PIGN: variants seen among roughly 807,000 people sequenced by gnomAD.
The protein encoded by PIGN is GPI ethanolamine phosphate transferase 1.
A neutral mutation model predicts 125.4 loss-of-function variants in PIGN; 117 were observed. That is an observed-to-expected ratio of 0.93 (90% confidence interval 0.80 to 1.09). PIGN has a LOEUF of 1.09. PIGN is among the 50% of genes least tolerant of loss of function. PIGN has a pLI of 0.00. For synonymous variants in PIGN, 392 were observed against 377.8 expected, an observed-to-expected ratio of 1.04 and a Z score of -0.44; for missense variants, 1,075 against 1,094.9, an observed-to-expected ratio of 0.98 and a Z score of 0.26.
chr18:62,123,925 T>C (rs1157822035), intron 14 of PIGN, among the ~76,000 whole-genome samples: 1 of 115,228 alleles, frequency 8.7e-6, no homozygotes, highest in Non-Finnish European at 1.8e-5. Flanking sequence ...ACTATAAAAA[T>C]GAAAAAAAAA....
intron 23 of PIGN, 132 bp from the exon 24 acceptor site, chr18:62,090,710 T>G: frequency 3.6e-6 from 2 of 556,154 alleles, no homozygotes; most frequent in Non-Finnish European, 6.3e-6. Context: ...TTACAAAACT[T>G]AAGAAGAAAG....
intron 1 of PIGN, among the ~76,000 whole-genome samples, chr18:62,172,022 T>C (rs1318831929): frequency 6.6e-6 from 1 of 152,188 alleles, no homozygotes; most frequent in Non-Finnish European, 1.5e-5. Context: ...GTAAAATTTG[T>C]ATTATTTCTT....
At chr18:62,079,215 T>C (rs1446254656) in intron 28 of PIGN, among the ~76,000 whole-genome samples, 1 of 152,248 alleles carries the variant, frequency 6.6e-6, no homozygotes, top group Non-Finnish European at 1.5e-5. Context: ...CATAAATTGC[T>C]TCTCCTTAGA....
Position 62,157,633 on chromosome 18 carries a change from T to C in PIGN, c.343+54A>G, listed in dbSNP as rs538456880. 15 of 1,502,046 alleles carry C rather than the reference T, an allele frequency of 1.0e-5. 1 individual carries two copies. In the South Asian group the frequency reaches 1.7e-4, roughly 17 times the overall value. The allele number at this position is 1,502,046 out of a possible 1,614,324, so 93.0% of individuals were successfully genotyped here. A position where few individuals can be genotyped will look rare whatever the true frequency, so the allele number is the denominator to read the frequency against. On this transcript the variant is annotated intron_variant, in intron 5 of 30. Transcript: ENST00000640252. ...GTGACATGATTAAGTGGTAAAGGAC[T>C]AATATTTACTTGACAAATTTTTCAT...
intron 30 of PIGN, chr18:62,051,690 T>C (rs1206551052): frequency 2.6e-5 from 4 of 152,150 alleles, no homozygotes; most frequent in African/African-American, 9.7e-5. Flanking sequence ...GTTTTTTGTG[T>C]CTCTATTTCC....
chr18:62,182,949 C>CG (rs1304721477), intron 1 of PIGN, among the ~76,000 whole-genome samples: 1 of 152,012 alleles, frequency 6.6e-6, no homozygotes, highest in Non-Finnish European at 1.5e-5. Context: ...AGTTCCACAG[C>CG]GGGGGGCAAT....
chr18:62,086,595 GAC>G (rs1249703326), intron 25 of PIGN, among the ~76,000 whole-genome samples: 1 of 149,318 alleles, frequency 6.7e-6, no homozygotes. Flanking sequence ...CCAGCCTAGT[GAC>G]AGAGTAAGAC....
intron 4 of PIGN, among the ~76,000 whole-genome samples, chr18:62,158,182 A>C (rs2147538794): frequency 6.6e-6 from 1 of 152,350 alleles, no homozygotes; most frequent in East Asian, 1.9e-4. Flanking sequence ...TGGTTATTTA[A>C]GAGATATAGG....
intron 30 of PIGN, among the ~76,000 whole-genome samples, chr18:62,060,320 A>G (rs2032041319): frequency 6.6e-6 from 1 of 152,170 alleles, no homozygotes; most frequent in Non-Finnish European, 1.5e-5. Flanking sequence ...GGTCGAGGGG[A>G]AGAGCGTATG....
At position 62,041,500 on chromosome 18, in the gene PIGN, T is replaced by G. The variant is rs889329052; in HGVS notation, c.*4356A>C. 17 of 152,092 alleles carry G rather than the reference T, an allele frequency of 1.1e-4. No homozygotes were observed. The highest frequency in any genetic ancestry group is 4.1e-4 in the African/African-American group (17 of 41,412). 9.4% of individuals were successfully genotyped at this position (152,092 alleles called of 1,614,324 possible). ...TAGTGCAAAATTATATGGAGACATT[T>G]CTTTTTGAGGCAGAGTCTCACTTTG... On this transcript the variant is annotated 3_prime_UTR_variant, in exon 31 of 31. Coordinates refer to ENST00000640252, the MANE Select transcript of PIGN (RefSeq NM_176787.5).
intron 1 of PIGN, among the ~76,000 whole-genome samples, chr18:62,166,950 T>C (rs761011828): frequency 1.3e-5 from 2 of 152,218 alleles, no homozygotes; most frequent in Non-Finnish European, 2.9e-5. Context: ...ACCTAATGCA[T>C]GCAGGTTTTA....
At position 62,044,330 on chromosome 18, in the gene PIGN, C is replaced by G. The variant is rs1047660434; in HGVS notation, c.*1526G>C. 2 of 152,126 alleles carry G rather than the reference C, an allele frequency of 1.3e-5. No homozygotes were observed. The highest frequency in any genetic ancestry group is 4.8e-5 in the African/African-American group (2 of 41,434). 9.4% of individuals were successfully genotyped at this position (152,126 alleles called of 1,614,324 possible). Reference sequence around the variant, plus strand: ...AAAAGGTCAGTGATAAGTGTTTATACAGTCAGTTTTTTCTGATGTGTGAAA... The same window carrying G: ...AAAAGGTCAGTGATAAGTGTTTATAGAGTCAGTTTTTTCTGATGTGTGAAA... On this transcript the variant is annotated 3_prime_UTR_variant, in exon 31 of 31. Coordinates refer to ENST00000640252, the MANE Select transcript of PIGN (RefSeq NM_176787.5).
chr18:62,113,818 A>G (rs990087182), intron 15 of PIGN, among the ~76,000 whole-genome samples: 3 of 152,174 alleles, frequency 2.0e-5, no homozygotes, highest in African/African-American at 7.2e-5. Context: ...TTAGAAATGA[A>G]AACAGAATTC....
At chr18:62,026,022 C>T (rs950958642) in intron 23 of PIGN, among the ~76,000 whole-genome samples, 8 of 152,152 alleles carry the variant, frequency 5.3e-5, no homozygotes, top group Admixed American at 3.3e-4. Context: ...TGCACCTTGT[C>T]GGAAGTTATT....
In PIGN at chr18:62,161,292, T is replaced by A; in HGVS notation, c.62A>T (p.Asp21Val). 1 of 1,613,742 alleles carries A rather than the reference T, an allele frequency of 6.2e-7. No homozygotes were observed. ...AACCAAAGGAGATGTAAAATAAATG[T>A]CAAAGATGGAGGCGAAGAACACAAA... ...IHFVFFASIFDIYFTSPLVHG... is the reference protein window; with the variant it reads ...IHFVFFASIFVIYFTSPLVHG... Residue 21 changes from aspartate (D) to valine (V), a missense_variant, in exon 4 of 31, where the codon GAC becomes GTC. This residue lies in a region of PIGN where 152 missense variants were observed against 162.9 expected (regional missense o/e 0.93). Transcript: ENST00000640252.
rs1396486707 is a variant in PIGN at position 62,114,596 on chromosome 18, T to C, written c.1216A>G (p.Arg406Gly). The C allele has an allele frequency of 2.6e-6, 4 of 1,525,722 alleles. No individual in the cohort carries two copies. The South Asian group carries it at 4.8e-5, about 18-fold the overall frequency. The allele number at this position is 1,525,722 out of a possible 1,614,324, so 94.5% of individuals were successfully genotyped here. A position where few individuals can be genotyped will look rare whatever the true frequency, so the allele number is the denominator to read the frequency against. Residue 406 changes from arginine to glycine, a missense_variant, in exon 15 of 31, where the codon AGA (arginine) becomes GGA (glycine). By Grantham distance (125) the Arg-to-Gly change is moderately radical. Coordinates refer to ENST00000640252, the MANE Select transcript of PIGN (RefSeq NM_176787.5). ...SKQFNILRKA[R>G]SYIKHRKFDE... ...AACTTTCTGTGTTTTATATAAGATC[T>C]TGCTTTTCTTAAAATGTTGAACTGT...
chr18:62,181,044 G>T (rs562102370), intron 1 of PIGN, among the ~76,000 whole-genome samples: 8 of 152,182 alleles, frequency 5.3e-5, no homozygotes, highest in African/African-American at 1.9e-4. Context: ...GTGTGAGGTA[G>T]ACATCAGCTT....
chr18:62,062,641 T>C (rs564166620), intron 30 of PIGN, among the ~76,000 whole-genome samples: 3 of 152,256 alleles, frequency 2.0e-5, no homozygotes, highest in East Asian at 1.9e-4. Context: ...GCAGCTCCCA[T>C]TATAAAAAAT....
intron 14 of PIGN, among the ~76,000 whole-genome samples, chr18:62,116,086 G>A (rs2035076988): frequency 1.3e-5 from 2 of 152,192 alleles, no homozygotes; most frequent in African/African-American, 4.8e-5. Flanking sequence ...GATTTGGAGG[G>A]AAAAGGTGCC....
Sources: allele counts gnomAD v4.1 joint callset (sites outside exome capture counted in the v4.1 genomes callset), GRCh38; gene constraint gnomAD v4.1.1; regional missense constraint gnomAD v4.1.1; transcripts MANE v1.5; gene names NCBI Gene and HGNC (gene_info 2026-07-23, HGNC 2026-07-21).